Variants in FHIT observed in about 807,000 individuals in gnomAD.
FHIT encodes bis(5'-adenosyl)-triphosphatase.
FHIT carries 19 observed loss-of-function variants against 17.9 expected under a neutral mutation model. That is an observed-to-expected ratio of 1.06 (90% CI 0.74 to 1.56). FHIT has a LOEUF of 1.56. Ranked by LOEUF, FHIT falls within the 40% of genes most tolerant of loss-of-function variation. The pLI is 0.00. For synonymous variants in FHIT, 81 were observed against 69.7 expected, an observed-to-expected ratio of 1.16 and a Z score of -0.81; for missense variants, 248 against 189.2, an observed-to-expected ratio of 1.31 and a Z score of -1.82.
chr3:60,103,293 C>T (rs1021217790), intron 5 of FHIT, among the ~76,000 whole-genome samples: 4 of 152,080 alleles, frequency 2.6e-5, no homozygotes, highest in African/African-American at 4.8e-5. Flanking sequence ...GGCTCTTTGG[C>T]CCGATCTAGG....
At chr3:60,062,716 G>C (rs1451255891) in intron 5 of FHIT, among the ~76,000 whole-genome samples, 1 of 152,176 alleles carries the variant, frequency 6.6e-6, no homozygotes, top group Non-Finnish European at 1.5e-5. Context: ...TTCTTTGTAA[G>C]GGAGATGACC....
chr3:60,203,899 G>C (rs1369399166), intron 5 of FHIT, among the ~76,000 whole-genome samples: 2 of 152,084 alleles, frequency 1.3e-5, no homozygotes, highest in Non-Finnish European at 2.9e-5. Context: ...CAGAACAATT[G>C]AACTTGTGAA....
chr3:60,836,953 T>A (rs1352146766), intron 3 of FHIT, among the ~76,000 whole-genome samples: 4 of 152,164 alleles, frequency 2.6e-5, no homozygotes, highest in Non-Finnish European at 4.4e-5. Flanking sequence ...CCTGAGGATA[T>A]TTTCACGGGC....
At chr3:61,021,864 A>ATT (rs1212622494) in intron 3 of FHIT, among the ~76,000 whole-genome samples, 49 of 152,194 alleles carry the variant, frequency 3.2e-4, no homozygotes, top group Non-Finnish European at 5.7e-4. Flanking sequence ...AGGGAAATGT[A>ATT]TAGCACTAAA....
intron 8 of FHIT, among the ~76,000 whole-genome samples, chr3:59,819,090 T>A (rs946484307): frequency 3.9e-5 from 6 of 152,216 alleles, no homozygotes; most frequent in Admixed American, 6.5e-5. Flanking sequence ...GCTGTGTTTC[T>A]TTTTTCCTGT....
chr3:60,406,156 C>T (rs1278678433), intron 5 of FHIT, among the ~76,000 whole-genome samples: 1 of 152,182 alleles, frequency 6.6e-6, no homozygotes, highest in Non-Finnish European at 1.5e-5. Context: ...CCACTCAAAA[C>T]ATGCTTGGTA....
chr3:60,334,682 G>A (rs1224182492), intron 5 of FHIT, among the ~76,000 whole-genome samples: 2 of 152,178 alleles, frequency 1.3e-5, no homozygotes, highest in African/African-American at 4.8e-5. Context: ...AGCTACATGG[G>A]AGGCTGAGAA....
intron 7 of FHIT, among the ~76,000 whole-genome samples, chr3:59,998,351 G>A (rs1044600575): frequency 1.3e-5 from 2 of 152,046 alleles, no homozygotes; most frequent in Admixed American, 6.6e-5. Context: ...CACAAAATAT[G>A]CCCAGGAATC....
chr3:60,829,501 C>T (rs1276292070), intron 3 of FHIT, among the ~76,000 whole-genome samples: 1 of 152,078 alleles, frequency 6.6e-6, no homozygotes, highest in Non-Finnish European at 1.5e-5. Flanking sequence ...TTGTAGACTA[C>T]CTTTAATTTA....
chr3:59,969,838 G>A (rs1168113054), intron 7 of FHIT, among the ~76,000 whole-genome samples: 1 of 152,082 alleles, frequency 6.6e-6, no homozygotes, highest in Non-Finnish European at 1.5e-5. Flanking sequence ...GTCTGATACT[G>A]CAGAGGCCAC....
At chr3:60,741,427 C>A (rs2042239185) in intron 4 of FHIT, among the ~76,000 whole-genome samples, 1 of 152,214 alleles carries the variant, frequency 6.6e-6, no homozygotes, top group Non-Finnish European at 1.5e-5. Flanking sequence ...CAGAAGCATG[C>A]AGGTAAGGAT....
At chr3:59,986,868 A>T (rs1185780147) in intron 7 of FHIT, among the ~76,000 whole-genome samples, 1 of 105,600 alleles carries the variant, frequency 9.5e-6, no homozygotes, top group Admixed American at 1.4e-4. Context: ...CTATAGAAAA[A>T]TATTTCATAT....
At chr3:60,111,185 A>C (rs565883638) in intron 5 of FHIT, among the ~76,000 whole-genome samples, 1 of 152,326 alleles carries the variant, frequency 6.6e-6, no homozygotes, top group African/African-American at 2.4e-5. Flanking sequence ...TGATTTTTCT[A>C]GTCTTTTACA....
chr3:61,177,273 C>A (rs2038190127), intron 2 of FHIT, among the ~76,000 whole-genome samples: 1 of 151,922 alleles, frequency 6.6e-6, no homozygotes, highest in Non-Finnish European at 1.5e-5. Flanking sequence ...TATTCATAAT[C>A]TTTTCCTCTT....
intron 1 of FHIT, among the ~76,000 whole-genome samples, chr3:61,202,091 C>T (rs919633018): frequency 3.3e-5 from 5 of 151,736 alleles, no homozygotes; most frequent in Non-Finnish European, 5.9e-5. Flanking sequence ...CACACACACA[C>T]GCACATACAC....
intron 2 of FHIT, among the ~76,000 whole-genome samples, chr3:61,098,863 G>C (rs2035727250): frequency 6.6e-6 from 1 of 152,076 alleles, no homozygotes; most frequent in Non-Finnish European, 1.5e-5. Context: ...GAGACGATGG[G>C]GTTTTCTAGA....
intron 4 of FHIT, among the ~76,000 whole-genome samples, chr3:60,708,154 G>C (rs1422892847): frequency 6.6e-6 from 1 of 152,160 alleles, no homozygotes; most frequent in Non-Finnish European, 1.5e-5. Flanking sequence ...TTTTATCCTA[G>C]TAATTATGGA....
intron 3 of FHIT, among the ~76,000 whole-genome samples, chr3:60,945,555 G>A (rs57501328): frequency 0.036 from 5,423 of 152,108 alleles, 320 homozygotes; most frequent in African/African-American, 0.12. Context: ...ACCATGCCCC[G>A]CTTATTTTTT....
At chr3:60,377,118 G>A (rs1416418390) in intron 5 of FHIT, among the ~76,000 whole-genome samples, 4 of 151,884 alleles carry the variant, frequency 2.6e-5, no homozygotes, top group African/African-American at 9.7e-5. Flanking sequence ...AGAAAGCTGT[G>A]TTCAGGAGAG....
Sources: allele counts gnomAD v4.1 joint callset (sites outside exome capture counted in the v4.1 genomes callset), GRCh38; gene constraint gnomAD v4.1.1; transcripts MANE v1.5; gene names NCBI Gene and HGNC (gene_info 2026-07-23, HGNC 2026-07-21).